Variants in KCP observed in about 807,000 individuals in gnomAD.
KCP encodes the protein kielin cysteine rich BMP regulator, also known as kielin/chordin-like protein.
Under a neutral mutation model 212.7 loss-of-function variants are expected in KCP, and 194 were observed. The ratio of observed to expected loss-of-function variants is 0.91; its 90% CI spans 0.81 to 1.03. KCP has a LOEUF of 1.03. Among genes scored for constraint, KCP ranks in the 50% least tolerant of loss-of-function variants. The pLI, the probability that KCP is intolerant of heterozygous loss-of-function variation, is 0.00. For synonymous variants in KCP, 833 were observed against 865.3 expected, an observed-to-expected ratio of 0.96 and a Z score of 0.65; for missense variants, 2,080 against 2,162.5, an observed-to-expected ratio of 0.96 and a Z score of 0.76.
chr7:128,903,241 C>T (rs1794952430), intron 7 of KCP: 1 of 278,040 alleles, frequency 3.6e-6, no homozygotes, highest in Non-Finnish European at 6.7e-6. Context: ...AGCCCTTCAC[C>T]AAGCTAACTT....
In KCP at chr7:128,908,477, C is replaced by T; in HGVS notation, c.168G>A (p.Leu56=). The part of the protein sequence containing the change: ...AGNSQEQWHP[L]REWLGRLEAA... Reference sequence around the variant, plus strand: ...CCTCCAGTCGCCCCAGCCACTCTCGCAGGGGGTGCCACTGCTCCTGGGAGT... The same window carrying T: ...CCTCCAGTCGCCCCAGCCACTCTCGTAGGGGGTGCCACTGCTCCTGGGAGT... Residue 56 remains leucine (L), a synonymous_variant, in exon 2 of 40, where the codon CTG becomes CTA. Coordinates refer to ENST00000610776, the MANE Select transcript of KCP (RefSeq NM_001366122.1). 3 of 1,552,028 alleles carry T rather than the reference C, an allele frequency of 1.9e-6. No individual in the cohort carries two copies. The highest frequency in any genetic ancestry group is 2.6e-6 in the Non-Finnish European group (3 of 1,147,094).
rs1185136325 is a variant in KCP at position 128,886,730 on chromosome 7, GAGAC to G, written c.2693_2696del (p.Cys898SerfsTer186). 2 of 1,551,590 alleles carry G rather than the reference GAGAC, an allele frequency of 1.3e-6. No homozygotes were observed. Among genetic ancestry groups the G allele is most frequent in the Middle Eastern group, 1.7e-4 (1 of 5,988 alleles). The stretch of plus-strand genomic sequence containing the variant: ...CATCCTGGTGCTCCCGGCCCTGAGA[GAGAC>G]AGCCTGTGGGGGACACACCTCCTGG... On this transcript the variant is annotated frameshift_variant, in exon 25 of 40. Coordinates refer to ENST00000610776, the MANE Select transcript of KCP (RefSeq NM_001366122.1). LOFTEE classifies it high-confidence loss of function.
Position 128,886,562 on chromosome 7 carries a change from A to G in KCP, c.2773-5T>C, listed in dbSNP as rs2128945720. 1 of 1,551,208 alleles carries G rather than the reference A, an allele frequency of 6.4e-7. No homozygotes were observed. Among genetic ancestry groups the G allele is most frequent in the African/African-American group, 1.4e-5 (1 of 73,138 alleles). On this transcript the variant is annotated splice_region_variant and splice_polypyrimidine_tract_variant and intron_variant, in intron 25 of 39. Transcript: ENST00000610776. ...CACACAGCTGACCTGGCCAGCCTGTAGGAGATGCAGGGACACTGGCTCGCT... is the reference window on the plus strand; with the variant it reads ...CACACAGCTGACCTGGCCAGCCTGTGGGAGATGCAGGGACACTGGCTCGCT...
At position 128,880,032 on chromosome 7, in the gene KCP, C is replaced by T; in HGVS notation, c.3813G>A (p.Arg1271=). 1 of 1,549,014 alleles carries T rather than the reference C, an allele frequency of 6.5e-7. No homozygotes were observed. The change falls in exon 35 of 40, where the codon CGG becomes CGA. Residue 1271 remains arginine, a synonymous_variant. Transcript: ENST00000610776. ...CTCCGAAGGCCATGCAGGAAGCGGG[C>T]CGAGGCAGGCAGCGGGGGCAGCAGC... The part of the protein sequence containing the change: ...PGSCCPRCLP[R]PASCMAFGDP...
rs1316321924 is a variant in KCP, at chr7:128,908,475, C to G, written c.170G>C (p.Arg57Pro). The change falls in exon 2 of 40, where the codon CGA (arginine) becomes CCA (proline). Residue 57 changes from arginine to proline, a missense_variant. Coordinates refer to ENST00000610776, the MANE Select transcript of KCP (RefSeq NM_001366122.1). Reference sequence around the variant, plus strand: ...AGCCTCCAGTCGCCCCAGCCACTCTCGCAGGGGGTGCCACTGCTCCTGGGA... The same window carrying G: ...AGCCTCCAGTCGCCCCAGCCACTCTGGCAGGGGGTGCCACTGCTCCTGGGA... ...GNSQEQWHPLREWLGRLEAAV... is the reference protein window; with the variant it reads ...GNSQEQWHPLPEWLGRLEAAV... 2 of 1,551,858 alleles carry G rather than the reference C, an allele frequency of 1.3e-6. No individual in the cohort carries two copies. Among genetic ancestry groups the G allele is most frequent in the Admixed American group, 2.0e-5 (1 of 50,996 alleles).
At chr7:128,886,255 A>C (rs1009548223) in intron 26 of KCP, among the ~76,000 whole-genome samples, 21 of 152,166 alleles carry the variant, frequency 1.4e-4, no homozygotes, top group Non-Finnish European at 2.2e-4. Flanking sequence ...CTTTGAGGGA[A>C]CTCTAACCAG....
chr7:128,891,712 G>A lies in KCP; in HGVS notation c.1729C>T (p.Arg577Cys), dbSNP rs748537998. ...CQEGHAHCQP[R>C]PCPRAPCAHP... The stretch of plus-strand genomic sequence containing the variant: ...GCACAGGGGGCCCTGGGGCAGGGGC[G>A]AGGCTGGCAGTGGGCATGGCCTTCC... The change falls in exon 17 of 40, where the codon CGC (arginine) becomes TGC (cysteine). Residue 577 changes from arginine to cysteine, a missense_variant. Transcript: ENST00000610776. The A allele has an allele frequency of 2.8e-6, 4 of 1,449,340 alleles. No homozygotes were observed. The highest frequency in any genetic ancestry group is 3.7e-4 in the Middle Eastern group (2 of 5,478). 89.8% of individuals were successfully genotyped at this position (1,449,340 alleles called of 1,614,324 possible).
chr7:128,889,865 G>A (rs1421507635), intron 21 of KCP: 1 of 154,402 alleles, frequency 6.5e-6, no homozygotes, highest in Non-Finnish European at 1.4e-5. Flanking sequence ...ACTTGCCCAA[G>A]ACCACACGGC....
rs367924833 is a variant in KCP at position 128,886,606 on chromosome 7, A to G, written c.2772+49T>C. ...GCTCGCTGCCTAGGCTGGGGCCCAGAGGTGCTATGGTCCAGCTGTCACTCC... is the reference window on the plus strand; with the variant it reads ...GCTCGCTGCCTAGGCTGGGGCCCAGGGGTGCTATGGTCCAGCTGTCACTCC... On this transcript the variant is annotated intron_variant, in intron 25 of 39. Coordinates refer to ENST00000610776, the MANE Select transcript of KCP (RefSeq NM_001366122.1). The G allele has an allele frequency of 9.7e-5, 151 of 1,550,682 alleles. No individual in the cohort carries two copies. The African/African-American group carries it at 1.9e-3, about 20-fold the overall frequency.
Position 128,878,652 on chromosome 7 carries a change from A to G in KCP, c.4217T>C (p.Leu1406Pro). The stretch of plus-strand genomic sequence containing the variant: ...GGCAAAGCCATTGAAGTTCCCACAG[A>G]GCCCACAAGTCCGGCCCTGGTAGGA... ...PGSYQGRTCG[L>P]CGNFNGFAQD... is the part of the protein sequence containing the mutation. Residue 1406 changes from leucine (L) to proline (P), a missense_variant, in exon 38 of 40, where the codon CTC becomes CCC. By Grantham distance (98) the Leu-to-Pro change is moderately conservative (BLOSUM62 -3). Transcript: ENST00000610776. The G allele has an allele frequency of 6.4e-7, 1 of 1,551,332 alleles. No homozygotes were observed. Among genetic ancestry groups the G allele is most frequent in the Non-Finnish European group, 8.7e-7 (1 of 1,146,978 alleles).
chr7:128,892,622 G>A lies in KCP; in HGVS notation c.1528-15C>T, dbSNP rs1379123813. 2.3e-5 allele frequency: 36 copies of A among 1,551,108 alleles called. No homozygotes were observed. Among genetic ancestry groups the A allele is most frequent in the Non-Finnish European group, 2.9e-5 (33 of 1,146,564 alleles). Reference sequence around the variant, plus strand: ...ACAGTTCCATCCTGCGAGAGAGCAGGGGAGAGAGCAATCGGGGCATGCCCA... The same window carrying A: ...ACAGTTCCATCCTGCGAGAGAGCAGAGGAGAGAGCAATCGGGGCATGCCCA... On this transcript the variant is annotated splice_polypyrimidine_tract_variant and intron_variant, in intron 15 of 39. Coordinates refer to ENST00000610776, the MANE Select transcript of KCP (RefSeq NM_001366122.1).
Position 128,892,884 on chromosome 7 carries a change from G to C in KCP, c.1405C>G (p.Pro469Ala). The C allele has an allele frequency of 6.5e-7, 1 of 1,550,138 alleles. No individual in the cohort carries two copies. The highest frequency in any genetic ancestry group is 8.7e-7 in the Non-Finnish European group (1 of 1,146,202). The change falls in exon 14 of 40, where the codon CCC becomes GCC. Residue 469 changes from proline to alanine, a missense_variant. Transcript: ENST00000610776. ...VLCPPAPCQH[P>A]TQPPGACCPS... ...AGGCACTCACCAGGGGGCTGGGTGG[G>C]GTGCTGGCAGGGGGCTGGGGGGCAG...
In KCP at chr7:128,903,798, G is replaced by A. The variant is rs1362354364; in HGVS notation, c.677C>T (p.Ala226Val). The change falls in exon 7 of 40, where the codon GCC (alanine) becomes GTC (valine). Residue 226 changes from alanine (A) to valine (V), a missense_variant. By Grantham distance (64) the Ala-to-Val change is moderately conservative. Transcript: ENST00000610776. ...GCAGGGGCTAGGCGGGCACTTCAGG[G>A]CCATGCAGCGAACTCGGCTCCTCTG... The part of the protein sequence containing the change: ...TCLRSRVRCM[A>V]LKCPPSPCPE... The A allele has an allele frequency of 7.0e-7, 1 of 1,429,952 alleles. No homozygotes were observed. The highest frequency in any genetic ancestry group is 9.3e-7 in the Non-Finnish European group (1 of 1,071,560). 88.6% of individuals were successfully genotyped at this position (1,429,952 alleles called of 1,614,324 possible). A position where few individuals can be genotyped will look rare whatever the true frequency, so the allele number is the denominator to read the frequency against.
In KCP at chr7:128,878,671, G is replaced by A. The variant is rs1280039185; in HGVS notation, c.4198C>T (p.Gln1400Ter). Residue 1400 changes from glutamine (Q) to a stop codon, truncating the protein, a stop_gained, in exon 38 of 40, where the codon CAG (glutamine) becomes TAG (stop). Coordinates refer to ENST00000610776, the MANE Select transcript of KCP (RefSeq NM_001366122.1). LOFTEE classifies it high-confidence loss of function. Reference protein sequence around the residue: ...QVEVSVPGSYQGRTCGLCGNF... With the variant: ...QVEVSVPGSY Reference sequence around the variant, plus strand: ...CCACAGAGCCCACAAGTCCGGCCCTGGTAGGAGCCAGGTACGCTCACCTCC... The same window carrying A: ...CCACAGAGCCCACAAGTCCGGCCCTAGTAGGAGCCAGGTACGCTCACCTCC... The A allele has an allele frequency of 5.8e-6, 9 of 1,551,030 alleles. No individual in the cohort carries two copies. Among genetic ancestry groups the A allele is most frequent in the Non-Finnish European group, 7.8e-6 (9 of 1,146,980 alleles).
At chr7:128,899,603 A>C (rs1794720240) in intron 8 of KCP, among the ~76,000 whole-genome samples, 1 of 152,192 alleles carries the variant, frequency 6.6e-6, no homozygotes, top group Non-Finnish European at 1.5e-5. Flanking sequence ...TTTCTGAGCT[A>C]TTTACAGCTT....
chr7:128,893,916 G>C lies in KCP; in HGVS notation c.1006-17C>G, dbSNP rs1171001604. On this transcript the variant is annotated splice_polypyrimidine_tract_variant and intron_variant, in intron 10 of 39. Coordinates refer to ENST00000610776, the MANE Select transcript of KCP (RefSeq NM_001366122.1). ...ACTCCCATTCTGCCAACAGGGCCTG[G>C]TCAGCACGCCAGAGGCAGGCCCCGG... is the stretch of plus-strand genomic sequence containing the variant. 1 of 1,550,844 alleles carries C rather than the reference G, an allele frequency of 6.4e-7. No individual in the cohort carries two copies. The highest frequency in any genetic ancestry group is 2.0e-5 in the Admixed American group (1 of 50,998).
In KCP at chr7:128,880,028, C is replaced by G; in HGVS notation, c.3817G>C (p.Ala1273Pro). The change falls in exon 35 of 40, where the codon GCT (alanine) becomes CCT (proline). Residue 1273 changes from alanine (A) to proline (P), a missense_variant. Physicochemically the swap from Ala to Pro is conservative, Grantham distance 27. Transcript: ENST00000610776. Reference protein sequence around the residue: ...SCCPRCLPRPASCMAFGDPHY... With the variant: ...SCCPRCLPRPPSCMAFGDPHY... ...GGGTCTCCGAAGGCCATGCAGGAAG[C>G]GGGCCGAGGCAGGCAGCGGGGGCAG... 1 of 1,549,198 alleles carries G rather than the reference C, an allele frequency of 6.5e-7. No individual in the cohort carries two copies. The highest frequency in any genetic ancestry group is 1.2e-5 in the South Asian group (1 of 84,032).
chr7:128,880,282 C>T (rs745339870), intron 34 of KCP, 104 bp downstream of exon 34: 25 of 1,390,430 alleles, frequency 1.8e-5, no homozygotes, highest in South Asian at 2.9e-5. Context: ...TCCCAGCTGG[C>T]GGCAGGAGCC....
Position 128,880,528 on chromosome 7 carries a change from G to A in KCP, c.3617C>T (p.Ala1206Val). The A allele has an allele frequency of 6.8e-7, 1 of 1,480,350 alleles. No homozygotes were observed. The highest frequency in any genetic ancestry group is 9.0e-7 in the Non-Finnish European group (1 of 1,105,314). 91.7% of individuals were successfully genotyped at this position (1,480,350 alleles called of 1,614,324 possible). ...QADSCCERCQ[A>V]PTQSCVHQGR... is the part of the protein sequence containing the mutation. ...CTGGTGCACGCAGGACTGGGTGGGA[G>A]CTGAAGGGATAGGAGCTGGGAGGGT... Residue 1206 changes from alanine (A) to valine (V), a missense_variant and splice_region_variant, in exon 34 of 40, where the codon GCT becomes GTT. Ala to Val is a moderately conservative substitution (Grantham distance 64). Transcript: ENST00000610776.
Sources: gnomAD v4.1 joint callset for allele counts (sites outside exome capture counted in the v4.1 genomes callset) on GRCh38, gnomAD v4.1.1 for gene constraint, MANE v1.5 for transcripts, NCBI Gene and HGNC (gene_info 2026-07-23, HGNC 2026-07-21) for gene names.